Variants in FSTL4 observed in about 807,000 individuals in gnomAD.
FSTL4 encodes follistatin like 4, also known as follistatin-related protein 4.
In FSTL4, 28 loss-of-function variants were observed where a neutral mutation model predicts 78.2. That is an observed-to-expected ratio of 0.36 (90% CI 0.27 to 0.49). The LOEUF (loss-of-function observed/expected upper bound fraction) is 0.49, where lower values mean the gene tolerates loss of function less well. Among genes scored for constraint, FSTL4 ranks in the 20% least tolerant of loss-of-function variants. FSTL4 has a pLI of 0.98. For synonymous variants in FSTL4, 422 were observed against 440.5 expected (o/e 0.96, Z 0.53); for missense variants, 922 against 1,084.9 (o/e 0.85, Z 2.11).
chr5:133,755,646 C>A, the FSTL4 span, among the ~76,000 whole-genome samples: 1 of 152,158 alleles, frequency 6.6e-6, no homozygotes, highest in South Asian at 2.1e-4. Flanking sequence ...CAAAATCCAG[C>A]CCCAGCATCA....
At chr5:133,788,973 G>A in the FSTL4 span, among the ~76,000 whole-genome samples, 1 of 152,118 alleles carries the variant, frequency 6.6e-6, no homozygotes, top group South Asian at 2.1e-4. Context: ...CCAAGAGGCT[G>A]ATTGCACTGG....
At chr5:133,628,366 C>A in the FSTL4 span, among the ~76,000 whole-genome samples, 2 of 134,646 alleles carry the variant, frequency 1.5e-5, no homozygotes, top group East Asian at 4.0e-4. Context: ...CTTTTCTTTT[C>A]TTTTTTTTTT....
At chr5:133,698,192 C>T in the FSTL4 span, among the ~76,000 whole-genome samples, 3 of 150,946 alleles carry the variant, frequency 2.0e-5, no homozygotes, top group Non-Finnish European at 4.4e-5. Flanking sequence ...CTGCTCGCGT[C>T]GAAAAATCAT....
At chr5:133,224,117 A>AT in intron 11 of FSTL4, 73 bp downstream of exon 11, 1 of 1,226,700 alleles carries the variant, frequency 8.2e-7, no homozygotes, top group East Asian at 2.4e-5. Flanking sequence ...GTGGCAGATC[A>AT]TGGAAAGACG....
intron 2 of FSTL4, among the ~76,000 whole-genome samples, chr5:133,571,671 T>C (rs1760158370): frequency 6.6e-6 from 1 of 152,196 alleles, no homozygotes; most frequent in Admixed American, 6.5e-5. Context: ...ACACCACCTG[T>C]TCTCCAAAAA....
At chr5:133,560,986 G>C (rs1471539049) in intron 3 of FSTL4, among the ~76,000 whole-genome samples, 1 of 151,464 alleles carries the variant, frequency 6.6e-6, no homozygotes, top group East Asian at 2.0e-4. Flanking sequence ...CTACTCGGGA[G>C]GCTGAGGCAG....
chr5:133,583,536 G>C (rs1481604526), intron 2 of FSTL4: 1 of 175,314 alleles, frequency 5.7e-6, no homozygotes, highest in Admixed American at 7.0e-5. Flanking sequence ...AAGGGGTGAC[G>C]GACGCACCTG....
the FSTL4 span, among the ~76,000 whole-genome samples, chr5:133,651,278 AG>A: frequency 3.3e-5 from 5 of 152,182 alleles, no homozygotes; most frequent in Admixed American, 6.5e-5. Context: ...GATGTAGAAA[AG>A]CAGTGGTGAG....
the FSTL4 span, among the ~76,000 whole-genome samples, chr5:133,770,742 G>A: frequency 6.6e-6 from 1 of 151,912 alleles, no homozygotes; most frequent in South Asian, 2.1e-4. Flanking sequence ...TTTATTTTTG[G>A]TTTTGTTATT....
chr5:133,751,876 G>C, the FSTL4 span, among the ~76,000 whole-genome samples: 1,893 of 152,284 alleles, frequency 0.012, 40 homozygotes, highest in African/African-American at 0.042. Flanking sequence ...GTGGGTTTTG[G>C]ATCTTTATCT....
In FSTL4 at chr5:133,276,223, T is replaced by C. The variant is rs546079867; in HGVS notation, c.728-26647A>G. On this transcript the variant is annotated intron_variant, in intron 6 of 15. Coordinates refer to ENST00000265342, the MANE Select transcript of FSTL4 (RefSeq NM_015082.2). ...CCAGGGTGGAAGCCATAGAGGGTGC[T>C]CACAACCCTGTCTTCAGCTGGCTGC... is the stretch of plus-strand genomic sequence containing the variant. 3.3e-5 allele frequency among the ~76,000 whole-genome samples: 5 copies of C among 152,296 alleles called. No individual in the cohort carries two copies. The East Asian group carries it at 9.7e-4, about 29-fold the overall frequency.
intron 3 of FSTL4, among the ~76,000 whole-genome samples, chr5:133,479,329 G>C (rs1757983056): frequency 6.6e-6 from 1 of 152,220 alleles, no homozygotes; most frequent in African/African-American, 2.4e-5. Flanking sequence ...TCAACCAGAA[G>C]GCACCGGCCT....
chr5:133,702,684 C>T, the FSTL4 span, among the ~76,000 whole-genome samples: 1 of 152,152 alleles, frequency 6.6e-6, no homozygotes, highest in African/African-American at 2.4e-5. Context: ...AGTTAATTAG[C>T]CTTATTCTAG....
chr5:133,737,534 T>C, the FSTL4 span, among the ~76,000 whole-genome samples: 1 of 152,024 alleles, frequency 6.6e-6, no homozygotes, highest in African/African-American at 2.4e-5. Context: ...TGCTTCCAAA[T>C]CTTATCTATT....
chr5:133,521,579 T>C (rs1191955488), intron 3 of FSTL4, among the ~76,000 whole-genome samples: 2 of 152,140 alleles, frequency 1.3e-5, no homozygotes, highest in African/African-American at 4.8e-5. Flanking sequence ...AAATGAATGA[T>C]TCCAAAATAG....
At chr5:133,788,266 C>CTCTAATGT in the FSTL4 span, among the ~76,000 whole-genome samples, 4 of 152,360 alleles carry the variant, frequency 2.6e-5, no homozygotes, top group Admixed American at 2.6e-4. Flanking sequence ...ATGGCTTGTT[C>CTCTAATGT]TAGGACTTGG....
intron 6 of FSTL4, among the ~76,000 whole-genome samples, chr5:133,291,859 T>C (rs959990496): frequency 1.3e-5 from 2 of 152,266 alleles, no homozygotes; most frequent in East Asian, 1.9e-4. Context: ...TTTCTGAAGA[T>C]GCTTGGCTAG....
At chr5:133,825,500 T>C in the FSTL4 span, among the ~76,000 whole-genome samples, 791 of 152,348 alleles carry the variant, frequency 5.2e-3, 10 homozygotes, top group African/African-American at 0.016. Context: ...GTTTTGTCTA[T>C]TGAAGAAATT....
intron 3 of FSTL4, among the ~76,000 whole-genome samples, chr5:133,422,370 G>C (rs1756716128): frequency 6.6e-6 from 1 of 152,178 alleles, no homozygotes; most frequent in Admixed American, 6.5e-5. Flanking sequence ...GCCTAGGTCT[G>C]AGCAAGAGAG....
Sources: allele counts gnomAD v4.1 joint callset (sites outside exome capture counted in the v4.1 genomes callset), GRCh38; gene constraint gnomAD v4.1.1; transcripts MANE v1.5; gene names NCBI Gene and HGNC (gene_info 2026-07-23, HGNC 2026-07-21).